The following TRAPPC9 variants were observed in gnomAD, a reference collection of about 807,000 sequenced individuals.
TRAPPC9 encodes trafficking protein particle complex subunit 9.
A neutral mutation model predicts 124.0 loss-of-function variants in TRAPPC9; 83 were observed. The ratio of observed to expected loss-of-function variants is 0.67; its 90% CI spans 0.56 to 0.80. TRAPPC9 has a LOEUF of 0.80. Among genes scored for constraint, TRAPPC9 ranks in the 30% least tolerant of loss-of-function variants. The probability of loss-of-function intolerance (pLI) is 0.00; values close to 1 mark genes in which losing one functional copy is unlikely to be tolerated. For synonymous variants in TRAPPC9, 638 were observed against 617.5 expected, an observed-to-expected ratio of 1.03 and a Z score of -0.49; for missense variants, 1,302 against 1,508.3, an observed-to-expected ratio of 0.86 and a Z score of 2.27.
intron 17 of TRAPPC9, among the ~76,000 whole-genome samples, chr8:140,136,221 C>A (rs542877957): frequency 1.3e-5 from 2 of 151,986 alleles, no homozygotes; most frequent in Non-Finnish European, 2.9e-5. Flanking sequence ...GTGGGAAGGA[C>A]CTGGTATGGA....
chr8:140,033,658 G>GTTTTTTTTTTTTTTTTTTTTTTTTTT (rs776155126), intron 17 of TRAPPC9, among the ~76,000 whole-genome samples: 1 of 42,398 alleles, frequency 2.4e-5, no homozygotes, highest in Non-Finnish European at 5.5e-5. Flanking sequence ...TCATAATGTG[G>GTTTTTTTTTTTTTTTTTTTTTTTTTT]TTTTTTTTTT....
At chr8:139,800,430 G>C (rs1040811315) in intron 21 of TRAPPC9, among the ~76,000 whole-genome samples, 1 of 152,242 alleles carries the variant, frequency 6.6e-6, no homozygotes, top group African/African-American at 2.4e-5. Flanking sequence ...CCAAGAGCAG[G>C]GTTTCTGGTG....
intron 18 of TRAPPC9, among the ~76,000 whole-genome samples, chr8:140,023,006 C>A (rs1839909379): frequency 6.6e-6 from 1 of 152,240 alleles, no homozygotes. Context: ...CACGCTGCAG[C>A]ACACAGGGCC....
At chr8:140,261,217 T>A (rs2064399865) in intron 15 of TRAPPC9, among the ~76,000 whole-genome samples, 1 of 152,250 alleles carries the variant, frequency 6.6e-6, no homozygotes, top group African/African-American at 2.4e-5. Context: ...TGATGAGACT[T>A]GGTTTTTACA....
At chr8:140,189,057 C>T (rs541479242) in intron 17 of TRAPPC9, among the ~76,000 whole-genome samples, 9 of 152,338 alleles carry the variant, frequency 5.9e-5, no homozygotes, top group Non-Finnish European at 1.2e-4. Flanking sequence ...CCATACCATA[C>T]ACAAATATTG....
chr8:140,172,966 T>C (rs1192899708), intron 17 of TRAPPC9, among the ~76,000 whole-genome samples: 1 of 152,118 alleles, frequency 6.6e-6, no homozygotes, highest in Non-Finnish European at 1.5e-5. Context: ...CTGAAGCTGG[T>C]GGCTGGTTAA....
At chr8:140,185,405 G>A (rs983413118) in intron 17 of TRAPPC9, among the ~76,000 whole-genome samples, 3 of 152,210 alleles carry the variant, frequency 2.0e-5, no homozygotes, top group Non-Finnish European at 4.4e-5. Flanking sequence ...AAATGCCAGT[G>A]CCTTAAGGGC....
At chr8:140,006,949 T>C (rs1216638515) in intron 18 of TRAPPC9, among the ~76,000 whole-genome samples, 2 of 152,220 alleles carry the variant, frequency 1.3e-5, no homozygotes, top group Non-Finnish European at 2.9e-5. Context: ...CGTTGAATTA[T>C]ACAGTTTAAG....
chr8:140,092,235 T>C (rs1455569746), intron 17 of TRAPPC9, among the ~76,000 whole-genome samples: 1 of 150,448 alleles, frequency 6.6e-6, no homozygotes, highest in Non-Finnish European at 1.5e-5. Context: ...AGTTTTGCTG[T>C]TACCCAGGCT....
At chr8:140,423,413 C>A (rs540437046) in intron 5 of TRAPPC9, among the ~76,000 whole-genome samples, 3 of 152,210 alleles carry the variant, frequency 2.0e-5, no homozygotes, top group African/African-American at 4.8e-5. Flanking sequence ...GCACTCCAGC[C>A]TGGGCAACAA....
intron 17 of TRAPPC9, among the ~76,000 whole-genome samples, chr8:140,130,751 T>G (rs1415773805): frequency 6.6e-6 from 1 of 152,122 alleles, no homozygotes; most frequent in Non-Finnish European, 1.5e-5. Flanking sequence ...CACAGGAAAG[T>G]GCTTGGGGGT....
At chr8:139,947,903 T>C (rs983050138) in intron 19 of TRAPPC9, among the ~76,000 whole-genome samples, 6 of 25,486 alleles carry the variant, frequency 2.4e-4, no homozygotes, top group African/African-American at 4.1e-4. Context: ...TGTATATATA[T>C]ATATAGAGAG....
At chr8:139,868,242 C>T (rs1207691663) in intron 21 of TRAPPC9, among the ~76,000 whole-genome samples, 5 of 152,054 alleles carry the variant, frequency 3.3e-5, no homozygotes, top group Admixed American at 6.6e-5. Flanking sequence ...ACCTGTAATC[C>T]CAGCTACTTG....
intron 17 of TRAPPC9, among the ~76,000 whole-genome samples, chr8:140,152,700 A>G (rs68147429): frequency 0.24 from 36,630 of 151,952 alleles, 4,580 homozygotes; most frequent in Admixed American, 0.29. Context: ...AAGTCTTCTG[A>G]TCCATGAGCA....
At chr8:140,106,974 G>C (rs1200711421) in intron 17 of TRAPPC9, among the ~76,000 whole-genome samples, 1 of 152,200 alleles carries the variant, frequency 6.6e-6, no homozygotes, top group Non-Finnish European at 1.5e-5. Context: ...GTTCAAGATA[G>C]GAGTTCGGAT....
At chr8:140,309,433 G>C (rs2066230703) in intron 10 of TRAPPC9, among the ~76,000 whole-genome samples, 1 of 152,228 alleles carries the variant, frequency 6.6e-6, no homozygotes, top group African/African-American at 2.4e-5. Flanking sequence ...CTGCCTGGCA[G>C]GCTGTGAGGA....
intron 7 of TRAPPC9, among the ~76,000 whole-genome samples, chr8:140,382,913 C>G (rs1164373450): frequency 6.6e-6 from 1 of 152,220 alleles, no homozygotes; most frequent in Non-Finnish European, 1.5e-5. Flanking sequence ...AGGCACCCCC[C>G]AGTAGGAACA....
At chr8:140,333,071 A>G (rs1281148332) in intron 9 of TRAPPC9, among the ~76,000 whole-genome samples, 5 of 151,956 alleles carry the variant, frequency 3.3e-5, no homozygotes, top group Non-Finnish European at 4.4e-5. Flanking sequence ...GGTTGCAGTG[A>G]GCCGAGATCA....
intron 19 of TRAPPC9, among the ~76,000 whole-genome samples, chr8:139,938,640 T>C (rs1474775692): frequency 6.6e-6 from 1 of 150,688 alleles, no homozygotes; most frequent in African/African-American, 2.4e-5. Flanking sequence ...CTATACCCGA[T>C]TAATTTTTTT....
Sources: allele counts gnomAD v4.1 joint callset (sites outside exome capture counted in the v4.1 genomes callset), GRCh38; gene constraint gnomAD v4.1.1; transcripts MANE v1.5; gene names NCBI Gene and HGNC (gene_info 2026-07-23, HGNC 2026-07-21).